Variants in BBS7 observed in about 807,000 individuals in gnomAD.
BBS7 encodes BBSome complex member BBS7.
Under a neutral mutation model 90.3 loss-of-function variants are expected in BBS7, and 50 were observed. The observed-to-expected ratio is 0.55, with a 90% CI of 0.44 to 0.70. BBS7 has a LOEUF of 0.70. Ranked by LOEUF, BBS7 falls within the 30% of genes least tolerant of loss-of-function variation. The pLI is 0.00. For missense variants in BBS7, 729 were observed against 838.9 expected (o/e 0.87, Z 1.62); for synonymous variants, 235 against 287.4 (o/e 0.82, Z 1.85).
At chr4:121,857,000 C>T (rs1726711310) in intron 5 of BBS7, among the ~76,000 whole-genome samples, 1 of 152,082 alleles carries the variant, frequency 6.6e-6, no homozygotes, top group Admixed American at 6.5e-5. Context: ...AACTCCTGAC[C>T]TCAGGTGATC....
chr4:121,862,171 T>C (rs998803582), intron 3 of BBS7, among the ~76,000 whole-genome samples: 4 of 152,214 alleles, frequency 2.6e-5, no homozygotes, highest in African/African-American at 9.6e-5. Flanking sequence ...TTTCCTGGCT[T>C]CTTTACAATT....
In BBS7 at chr4:121,833,340, A is replaced by G; in HGVS notation, c.1567T>C (p.Trp523Arg). The G allele has an allele frequency of 6.2e-7, 1 of 1,614,080 alleles. No homozygotes were observed. Among genetic ancestry groups the G allele is most frequent in the South Asian group, 1.1e-5 (1 of 91,086 alleles). Reference sequence around the variant, plus strand: ...ACTTCAGGCAGACAAAAAACCACCCAGGAGTGAACTTCAGCAAAACTGAAC... The same window carrying G: ...ACTTCAGGCAGACAAAAAACCACCCGGGAGTGAACTTCAGCAAAACTGAAC... ...GQFSFAEVHS[W>R]VVFCLPEVPE... The change falls in exon 15 of 19, where the codon TGG becomes CGG. Residue 523 changes from tryptophan (W) to arginine (R), a missense_variant. By Grantham distance (101) the Trp-to-Arg change is moderately radical (BLOSUM62 -3). Coordinates refer to ENST00000264499, the MANE Select transcript of BBS7 (RefSeq NM_176824.3).
At chr4:121,854,542 A>G (rs1726496766) in intron 7 of BBS7, among the ~76,000 whole-genome samples, 162 bp downstream of exon 7, 1 of 152,220 alleles carries the variant, frequency 6.6e-6, no homozygotes, top group Non-Finnish European at 1.5e-5. Flanking sequence ...AATTATGCCA[A>G]TAGTATAATA....
intron 13 of BBS7, 33 bp downstream of exon 13, chr4:121,839,598 C>A: frequency 6.5e-7 from 1 of 1,549,476 alleles, no homozygotes; most frequent in South Asian, 1.1e-5. Flanking sequence ...GAAATTCAAA[C>A]ATTCAAGTAA....
intron 1 of BBS7, among the ~76,000 whole-genome samples, chr4:121,868,684 CAAAAAAAAAAAAAAAAAA>C (rs34910805): frequency 3.2e-4 from 16 of 49,688 alleles, no homozygotes; most frequent in Non-Finnish European, 3.8e-4. Context: ...GACCCTGTTT[CAAAAAAAAAAAAAAAAAA>C]AAAAAAAAAA....
At position 121,854,761 on chromosome 4, in the gene BBS7, T is replaced by C. The variant is rs751522255; in HGVS notation, c.661A>G (p.Ile221Val). ...TSDGKLALIQITTSKPVRKWE... is the reference protein window; with the variant it reads ...TSDGKLALIQVTTSKPVRKWE... The stretch of plus-strand genomic sequence containing the variant: ...TTGCGTACTGGTTTGGATGTAGTAA[T>C]CTGTATAAGCGCAAGTTTTCCGTCT... Residue 221 changes from isoleucine to valine, a missense_variant, in exon 7 of 19, where the codon ATT (isoleucine) becomes GTT (valine). Ile to Val is a conservative substitution (Grantham distance 29, BLOSUM62 3). Transcript: ENST00000264499. 11 of 1,612,868 alleles carry C rather than the reference T, an allele frequency of 6.8e-6. No individual in the cohort carries two copies. The South Asian group carries it at 9.9e-5, about 15-fold the overall frequency.
At chr4:121,868,238 T>C (rs954876136) in intron 1 of BBS7, among the ~76,000 whole-genome samples, 192 bp from the exon 2 acceptor site, 2 of 152,216 alleles carry the variant, frequency 1.3e-5, no homozygotes, top group Non-Finnish European at 2.9e-5. Flanking sequence ...GTAAAATTTA[T>C]CCTATAAAGT....
At chr4:121,850,944 C>T (rs1241378527) in intron 8 of BBS7, among the ~76,000 whole-genome samples, 3 of 152,210 alleles carry the variant, frequency 2.0e-5, no homozygotes, top group Non-Finnish European at 4.4e-5. Flanking sequence ...GTTAGATTTA[C>T]AGGTGGGGTC....
chr4:121,856,048 G>T lies in BBS7; in HGVS notation c.529-487C>A, dbSNP rs531823162. Among the ~76,000 whole-genome samples the T allele has an allele frequency of 2.0e-5, 3 of 152,172 alleles. No individual in the cohort carries two copies. The South Asian group carries it at 6.2e-4, about 32-fold the overall frequency. ...TTAATACATTTTAAATACATTGTTT[G>T]CCTGAAAACTTGACACTGGCAGATT... is the stretch of plus-strand genomic sequence containing the variant. On this transcript the variant is annotated intron_variant, in intron 5 of 18. Coordinates refer to ENST00000264499, the MANE Select transcript of BBS7 (RefSeq NM_176824.3).
In BBS7 at chr4:121,863,524, A is replaced by G. The variant is rs182562297; in HGVS notation, c.103-245T>C. ...TCCTATAATGTTAATAGGACAACAC[A>G]ATATATTTTGTTTTGCTTTTTTTCA... On this transcript the variant is annotated intron_variant, in intron 2 of 18. Coordinates refer to ENST00000264499, the MANE Select transcript of BBS7 (RefSeq NM_176824.3). 2.1e-4 allele frequency among the ~76,000 whole-genome samples: 32 copies of G among 152,314 alleles called. No homozygotes were observed. In the East Asian group the frequency reaches 6.0e-3, roughly 28 times the overall value.
At chr4:121,836,004 T>C (rs1359829443) in intron 13 of BBS7, among the ~76,000 whole-genome samples, 2 of 152,332 alleles carry the variant, frequency 1.3e-5, no homozygotes, top group East Asian at 3.9e-4. Context: ...CATATAGCTG[T>C]TATTATAAAA....
intron 13 of BBS7, among the ~76,000 whole-genome samples, chr4:121,838,805 G>GA (rs906918401): frequency 6.6e-6 from 1 of 151,190 alleles, no homozygotes; most frequent in African/African-American, 2.4e-5. Context: ...TGAGGCAGGA[G>GA]AATCACTTGA....
intron 12 of BBS7, among the ~76,000 whole-genome samples, chr4:121,840,514 A>C (rs1208945200): frequency 6.6e-6 from 1 of 152,174 alleles, no homozygotes; most frequent in Non-Finnish European, 1.5e-5. Flanking sequence ...TTCCCAGCAA[A>C]TGGCACAGTG....
At chr4:121,860,548 C>T (rs1010669249) in intron 4 of BBS7, among the ~76,000 whole-genome samples, 3 of 152,158 alleles carry the variant, frequency 2.0e-5, no homozygotes, top group African/African-American at 4.8e-5. Context: ...ATCTTTCTCA[C>T]ACTACTATCC....
chr4:121,861,793 TATAGA>T, intron 3 of BBS7, 114 bp from the exon 4 acceptor site: 5 of 999,652 alleles, frequency 5.0e-6, no homozygotes, highest in Non-Finnish European at 7.5e-6. Flanking sequence ...AGTTCCACTA[TATAGA>T]AATAATTTTA....
intron 18 of BBS7, among the ~76,000 whole-genome samples, chr4:121,827,445 T>A (rs1397910241): frequency 6.6e-6 from 1 of 152,176 alleles, no homozygotes; most frequent in Non-Finnish European, 1.5e-5. Flanking sequence ...AGACTCAGAT[T>A]TCAGTTAAAG....
chr4:121,846,584 T>A (rs1726024567), intron 10 of BBS7, among the ~76,000 whole-genome samples: 1 of 152,164 alleles, frequency 6.6e-6, no homozygotes, highest in African/African-American at 2.4e-5. Flanking sequence ...AGGTAATGTA[T>A]TGAGGATGTG....
In BBS7 at chr4:121,842,317, C is replaced by T. The variant is rs537213696; in HGVS notation, c.1305+1610G>A. Among the ~76,000 whole-genome samples, 3 of 149,360 alleles carry T rather than the reference C, an allele frequency of 2.0e-5. No homozygotes were observed. In the South Asian group the frequency reaches 6.4e-4, roughly 32 times the overall value. On this transcript the variant is annotated intron_variant, in intron 12 of 18. Coordinates refer to ENST00000264499, the MANE Select transcript of BBS7 (RefSeq NM_176824.3). ...ATCTATCAATATTTTACTTTATCTA[C>T]TCTTTTATTCCTCCTTTTTAAAAAT...
intron 4 of BBS7, among the ~76,000 whole-genome samples, chr4:121,859,456 GTC>G: frequency 6.6e-6 from 1 of 152,200 alleles, no homozygotes; most frequent in Non-Finnish European, 1.5e-5. Context: ...TAATTTAACT[GTC>G]TATATCCAAA....
Sources: allele counts gnomAD v4.1 joint callset (sites outside exome capture counted in the v4.1 genomes callset), GRCh38; gene constraint gnomAD v4.1.1; transcripts MANE v1.5; gene names NCBI Gene and HGNC (gene_info 2026-07-23, HGNC 2026-07-21).